Variants in TLN2 observed in about 807,000 individuals in gnomAD.
The protein encoded by TLN2 is talin 2, also known as talin-2.
TLN2 carries 118 observed loss-of-function variants against 294.7 expected under a neutral mutation model. The ratio of observed to expected loss-of-function variants is 0.40; its 90% CI spans 0.34 to 0.47. TLN2 has a LOEUF of 0.47. Among genes scored for constraint, TLN2 ranks in the 20% least tolerant of loss-of-function variants. The pLI, the probability that TLN2 is intolerant of heterozygous loss-of-function variation, is 0.84. For missense variants in TLN2, 3,083 were observed against 3,282.2 expected (o/e 0.94, Z 1.48); for synonymous variants, 1,431 against 1,304.5 (o/e 1.10, Z -2.09).
rs774023256 is a variant in TLN2 at position 62,739,348 on chromosome 15, C to G, written c.3688C>G (p.Leu1230Val). ...ESSKKLLVDS[L>V]PPSTKPFQEA... ...GGGGTGTGCCGTCTGTTCCCCACAG[C>G]TACCTCCAAGCACGAAGCCTTTCCA... The change falls in exon 31 of 59, where the codon CTA becomes GTA. Residue 1230 changes from leucine to valine, a missense_variant and splice_region_variant. By Grantham distance (32) the Leu-to-Val change is conservative. Transcript: ENST00000636159. The G allele has an allele frequency of 6.2e-7, 1 of 1,612,392 alleles. No homozygotes were observed. The highest frequency in any genetic ancestry group is 8.5e-7 in the Non-Finnish European group (1 of 1,179,222).
chr15:62,571,173 T>C (rs531395291), intron 1 of TLN2, among the ~76,000 whole-genome samples: 16 of 152,350 alleles, frequency 1.1e-4, no homozygotes, highest in South Asian at 4.1e-4. Flanking sequence ...CCAGTTGCAC[T>C]GAGGGTGCTC....
At chr15:62,683,954 C>A (rs1193007791) in intron 11 of TLN2, 1 of 152,284 alleles carries the variant, frequency 6.6e-6, no homozygotes, top group Non-Finnish European at 1.5e-5. Flanking sequence ...GCATCACGAT[C>A]ACAGATCTCA....
At chr15:62,510,879 C>T (rs1407689105) in intron 1 of TLN2, among the ~76,000 whole-genome samples, 1 of 152,250 alleles carries the variant, frequency 6.6e-6, no homozygotes, top group South Asian at 2.1e-4. Context: ...ATACCACATG[C>T]TCTTCCTAAG....
At chr15:62,797,137 T>C (rs2065545420) in intron 47 of TLN2, 82 bp from the exon 48 acceptor site, 2 of 1,493,570 alleles carry the variant, frequency 1.3e-6, no homozygotes, top group Non-Finnish European at 1.9e-6. Flanking sequence ...AAGCCCCATG[T>C]GAGGGATTTC....
chr15:62,705,748 A>G (rs2059020778), intron 19 of TLN2, among the ~76,000 whole-genome samples: 1 of 152,248 alleles, frequency 6.6e-6, no homozygotes, highest in Admixed American at 6.5e-5. Flanking sequence ...TAACTTTGCC[A>G]TAGTGGGAGC....
intron 1 of TLN2, among the ~76,000 whole-genome samples, chr15:62,582,982 T>A (rs1342765075): frequency 6.6e-6 from 1 of 152,210 alleles, no homozygotes. Context: ...TTAGACACTT[T>A]ATCCCTGCTC....
chr15:62,599,368 C>T (rs2046806849), intron 2 of TLN2, among the ~76,000 whole-genome samples: 1 of 152,162 alleles, frequency 6.6e-6, no homozygotes, highest in Non-Finnish European at 1.5e-5. Context: ...AGTGATCTCA[C>T]TGTGACTTGA....
intron 34 of TLN2, among the ~76,000 whole-genome samples, 168 bp downstream of exon 34, chr15:62,750,659 G>C (rs372490899): frequency 6.6e-6 from 1 of 152,140 alleles, no homozygotes; most frequent in Non-Finnish European, 1.5e-5. Context: ...CAAACTTGAC[G>C]GTGCATCAGA....
chr15:62,660,111 A>C (rs1177901109), intron 9 of TLN2, among the ~76,000 whole-genome samples: 1 of 152,102 alleles, frequency 6.6e-6, no homozygotes, highest in East Asian at 1.9e-4. Flanking sequence ...TGAAGATGCA[A>C]CCCCCAGAAA....
chr15:62,618,677 A>C (rs1045262720), intron 3 of TLN2, among the ~76,000 whole-genome samples: 2 of 152,196 alleles, frequency 1.3e-5, no homozygotes, highest in Non-Finnish European at 2.9e-5. Context: ...TTCCTTCTTA[A>C]AAATGCTTTT....
At chr15:62,675,938 A>T (rs540762951) in intron 11 of TLN2, among the ~76,000 whole-genome samples, 42 of 152,268 alleles carry the variant, frequency 2.8e-4, no homozygotes, top group Middle Eastern at 3.4e-3. Flanking sequence ...CAGGAAAGTG[A>T]TACGCTGTTT....
In TLN2 at chr15:62,800,419, A is replaced by T. The variant is rs778290216; in HGVS notation, c.6286A>T (p.Ile2096Phe). ...TGTGGCCAAGGCCCTTTCTGATCTC[A>T]TCAGTGCTACCAAGGGAGCTGCCAG... ...KDVAKALSDLISATKGAASKP... is the reference protein window; with the variant it reads ...KDVAKALSDLFSATKGAASKP... The change falls in exon 49 of 59, where the codon ATC (isoleucine) becomes TTC (phenylalanine). Residue 2096 changes from isoleucine (I) to phenylalanine (F), a missense_variant. Ile to Phe is a conservative substitution (Grantham distance 21, BLOSUM62 0). Transcript: ENST00000636159. 1.2e-6 allele frequency: 2 copies of T among 1,614,068 alleles called. No individual in the cohort carries two copies. Among genetic ancestry groups the T allele is most frequent in the Non-Finnish European group, 1.7e-6 (2 of 1,179,942 alleles).
At chr15:62,737,750 A>G (rs2061104756) in intron 29 of TLN2, among the ~76,000 whole-genome samples, 1 of 152,234 alleles carries the variant, frequency 6.6e-6, no homozygotes, top group Non-Finnish European at 1.5e-5. Context: ...GGATGGCCCC[A>G]TGAGTCACTG....
At chr15:62,579,784 T>A (rs2044758244) in intron 1 of TLN2, among the ~76,000 whole-genome samples, 1 of 152,204 alleles carries the variant, frequency 6.6e-6, no homozygotes. Context: ...TCTCTGCATG[T>A]CCTTCAGCTG....
At chr15:62,425,707 GT>G (rs1246479477) in intron 1 of TLN2, among the ~76,000 whole-genome samples, 2 of 152,180 alleles carry the variant, frequency 1.3e-5, no homozygotes, top group Non-Finnish European at 2.9e-5. Context: ...TCCTCCTTGG[GT>G]TTAATTTCAC....
At chr15:62,405,516 T>A (rs549870162) in intron 1 of TLN2, among the ~76,000 whole-genome samples, 4 of 152,340 alleles carry the variant, frequency 2.6e-5, no homozygotes, top group African/African-American at 7.2e-5. Context: ...CAGAAAGGGC[T>A]TTTTATTTTC....
In TLN2 at chr15:62,716,341, C is replaced by G; in HGVS notation, c.2645C>G (p.Ala882Gly). 2 of 1,604,228 alleles carry G rather than the reference C, an allele frequency of 1.2e-6. No individual in the cohort carries two copies. The highest frequency in any genetic ancestry group is 1.7e-6 in the Non-Finnish European group (2 of 1,176,416). Residue 882 changes from alanine (A) to glycine (G), a missense_variant, in exon 23 of 59, where the codon GCC becomes GGC. Physicochemically the swap from Ala to Gly is moderately conservative, Grantham distance 60 (BLOSUM62 0). Transcript: ENST00000636159. ...RMVEAAKGAA[A>G]NPENEDQQQR... Reference sequence around the variant, plus strand: ...TTTTTGCCTTTGCAGGGGGCTGCAGCCAACCCAGAGAATGAGGACCAGCAG... The same window carrying G: ...TTTTTGCCTTTGCAGGGGGCTGCAGGCAACCCAGAGAATGAGGACCAGCAG...
At chr15:62,483,093 T>C (rs549936554) in intron 1 of TLN2, among the ~76,000 whole-genome samples, 1 of 152,168 alleles carries the variant, frequency 6.6e-6, no homozygotes, top group African/African-American at 2.4e-5. Context: ...AGAGGGAAGC[T>C]CCTTTGCTGG....
chr15:62,448,453 G>C (rs988086540), intron 1 of TLN2, among the ~76,000 whole-genome samples: 2 of 152,270 alleles, frequency 1.3e-5, no homozygotes, highest in South Asian at 4.1e-4. Flanking sequence ...TTCTGGATTC[G>C]GTTTATTCTG....
Sources: gnomAD v4.1 joint callset for allele counts (sites outside exome capture counted in the v4.1 genomes callset) on GRCh38, gnomAD v4.1.1 for gene constraint, MANE v1.5 for transcripts, NCBI Gene and HGNC (gene_info 2026-07-23, HGNC 2026-07-21) for gene names.